DIAPH2: variants seen among roughly 807,000 people sequenced by gnomAD.
DIAPH2 encodes the protein diaphanous related formin 2.
Under a neutral mutation model 92.7 loss-of-function variants are expected in DIAPH2, and 35 were observed. The ratio of observed to expected loss-of-function variants is 0.38; its 90% CI spans 0.29 to 0.50. The LOEUF is 0.50. DIAPH2 is among the 20% of genes least tolerant of loss of function. The pLI is 0.94. For missense variants in DIAPH2, 701 were observed against 819.5 expected (o/e 0.86, Z 1.77); for synonymous variants, 301 against 280.4 (o/e 1.07, Z -0.73).
intron 22 of DIAPH2, among the ~76,000 whole-genome samples, chrX:97,195,144 C>T (rs1403366964): frequency 9.0e-6 from 1 of 111,197 alleles, no homozygotes; most frequent in South Asian, 3.7e-4. Context: ...TGATCAATTC[C>T]GTAATTTAAA....
At chrX:97,507,536 G>A (rs2070845739) in intron 26 of DIAPH2, among the ~76,000 whole-genome samples, 1 of 111,198 alleles carries the variant, frequency 9.0e-6, no homozygotes, top group Admixed American at 9.6e-5. Context: ...CCTTATGAGA[G>A]GTAATCATAA....
At chrX:97,085,911 G>A (rs2066779807) in intron 19 of DIAPH2, among the ~76,000 whole-genome samples, 1 of 111,394 alleles carries the variant, frequency 9.0e-6, no homozygotes, top group Non-Finnish European at 1.9e-5. Context: ...TCAGAAGTAG[G>A]AGAATGGGAT....
At chrX:97,582,580 C>G (rs1449464590) in intron 26 of DIAPH2, among the ~76,000 whole-genome samples, 1 of 108,437 alleles carries the variant, frequency 9.2e-6, no homozygotes, top group Non-Finnish European at 1.9e-5. Context: ...GAGGGTAACC[C>G]GACCTTTCTC....
At chrX:97,120,136 C>T (rs2067045562) in intron 21 of DIAPH2, among the ~76,000 whole-genome samples, 1 of 111,399 alleles carries the variant, frequency 9.0e-6, no homozygotes, top group Admixed American at 9.5e-5. Flanking sequence ...CCCCTTGTGC[C>T]TCTGGCTGCC....
At chrX:97,079,048 A>G (rs1468972088) in intron 19 of DIAPH2, among the ~76,000 whole-genome samples, 1 of 110,972 alleles carries the variant, frequency 9.0e-6, no homozygotes, top group Non-Finnish European at 1.9e-5. Flanking sequence ...CACGCTCTCT[A>G]CCTCTCACTT....
intron 24 of DIAPH2, among the ~76,000 whole-genome samples, chrX:97,362,515 C>T (rs983539555): frequency 6.2e-5 from 7 of 112,225 alleles, no homozygotes; most frequent in East Asian, 2.8e-4. Context: ...TTCTGTCTTT[C>T]GCTAGAATAT....
chrX:97,442,010 C>G (rs970944955), intron 26 of DIAPH2: 5 of 112,187 alleles, frequency 4.5e-5, no homozygotes, highest in African/African-American at 1.6e-4. Context: ...CAAAATTGTT[C>G]TAAGTAAGTA....
chrX:96,910,281 T>C (rs1331420860), intron 5 of DIAPH2, among the ~76,000 whole-genome samples: 2 of 111,724 alleles, frequency 1.8e-5, no homozygotes, highest in East Asian at 5.6e-4. Context: ...AATTGGATAG[T>C]AGCTTGTTGC....
intron 17 of DIAPH2, among the ~76,000 whole-genome samples, chrX:97,004,782 G>C (rs2066168771): frequency 9.0e-6 from 1 of 111,659 alleles, no homozygotes; most frequent in African/African-American, 3.3e-5. Flanking sequence ...CAATTTGGAG[G>C]TCCTTTATTT....
chrX:97,385,444 G>T (rs2069590322), intron 25 of DIAPH2, among the ~76,000 whole-genome samples: 1 of 110,807 alleles, frequency 9.0e-6, no homozygotes, highest in Non-Finnish European at 1.9e-5. Context: ...TGTTGACCAG[G>T]CTGGTCTCGA....
At chrX:96,894,731 G>A (rs1157806383) in intron 5 of DIAPH2, among the ~76,000 whole-genome samples, 1 of 110,922 alleles carries the variant, frequency 9.0e-6, no homozygotes, top group Non-Finnish European at 1.9e-5. Context: ...GGGTTATTAT[G>A]TGGGTTTATC....
intron 4 of DIAPH2, among the ~76,000 whole-genome samples, chrX:96,782,382 G>A (rs950337863): frequency 2.7e-5 from 3 of 111,227 alleles, no homozygotes; most frequent in Admixed American, 9.5e-5. Flanking sequence ...TGCAAGCTCC[G>A]CCTCCGGGGT....
At chrX:97,115,399 G>A (rs1201993357) in intron 21 of DIAPH2, among the ~76,000 whole-genome samples, 3 of 110,224 alleles carry the variant, frequency 2.7e-5, no homozygotes, top group Non-Finnish European at 3.8e-5. Flanking sequence ...AGTGGGGCGC[G>A]GTGACGGGTA....
At chrX:96,897,720 A>C (rs188401227) in intron 5 of DIAPH2, among the ~76,000 whole-genome samples, 5,614 of 107,983 alleles carry the variant, frequency 0.052, 160 homozygotes, top group Middle Eastern at 0.14. Flanking sequence ...CAATTTTTTT[A>C]AATTTTATTT....
At chrX:97,143,268 A>G (rs769481930) in intron 22 of DIAPH2, among the ~76,000 whole-genome samples, 1 of 110,951 alleles carries the variant, frequency 9.0e-6, no homozygotes, top group Non-Finnish European at 1.9e-5. Context: ...CATTTTAAAC[A>G]TTTGTGTTGT....
chrX:97,477,955 T>G (rs768771497), intron 26 of DIAPH2, among the ~76,000 whole-genome samples: 2 of 111,328 alleles, frequency 1.8e-5, no homozygotes, highest in Non-Finnish European at 3.8e-5. Context: ...TTCATGAAGT[T>G]TCTAATGAAA....
At chrX:97,061,011 C>CAT (rs56193388) in intron 17 of DIAPH2, among the ~76,000 whole-genome samples, 2 of 111,974 alleles carry the variant, frequency 1.8e-5, no homozygotes, top group Non-Finnish European at 3.8e-5. Flanking sequence ...CACACACACA[C>CAT]GCAACAGTTG....
chrX:97,423,796 G>A (rs575681845), intron 25 of DIAPH2, among the ~76,000 whole-genome samples: 219 of 111,629 alleles, frequency 2.0e-3, no homozygotes, highest in African/African-American at 6.9e-3. Flanking sequence ...AGTTAAATAG[G>A]TATTGTATGT....
intron 23 of DIAPH2, among the ~76,000 whole-genome samples, chrX:97,321,675 G>A (rs1231633971): frequency 9.5e-6 from 1 of 105,386 alleles, no homozygotes; most frequent in Non-Finnish European, 1.9e-5. Context: ...TCAGCCTCCC[G>A]AGTAGCTGGG....
Sources: gnomAD v4.1 joint callset for allele counts (sites outside exome capture counted in the v4.1 genomes callset) on GRCh38, gnomAD v4.1.1 for gene constraint, MANE v1.5 for transcripts, NCBI Gene and HGNC (gene_info 2026-07-23, HGNC 2026-07-21) for gene names.